The following IL1RAPL1 variants were observed in gnomAD, a reference collection of about 807,000 sequenced individuals.
IL1RAPL1 encodes the protein interleukin 1 receptor accessory protein like 1.
In IL1RAPL1, 3 loss-of-function variants were observed where a neutral mutation model predicts 48.4. The observed-to-expected ratio is 0.06, with a 90% CI of 0.03 to 0.16. The LOEUF (loss-of-function observed/expected upper bound fraction) is 0.16. Among genes scored for constraint, IL1RAPL1 ranks in the 10% least tolerant of loss-of-function variants. The pLI, the probability that IL1RAPL1 is intolerant of heterozygous loss-of-function variation, is 1.00. For synonymous variants in IL1RAPL1, 185 were observed against 187.7 expected, an observed-to-expected ratio of 0.99 and a Z score of 0.12; for missense variants, 349 against 530.6, an observed-to-expected ratio of 0.66 and a Z score of 3.36.
intron 1 of IL1RAPL1, among the ~76,000 whole-genome samples, chrX:28,730,084 T>G (rs1935735251): frequency 8.9e-6 from 1 of 112,379 alleles, no homozygotes. Flanking sequence ...AGTTTTATAA[T>G]TATTATGACA....
chrX:29,246,471 G>A (rs1480076612), intron 2 of IL1RAPL1, among the ~76,000 whole-genome samples: 1 of 110,480 alleles, frequency 9.1e-6, no homozygotes, highest in East Asian at 2.9e-4. Flanking sequence ...CTGATGAGGG[G>A]ATTTTCATAA....
chrX:29,009,879 A>G (rs753047454), intron 2 of IL1RAPL1, among the ~76,000 whole-genome samples: 7 of 112,075 alleles, frequency 6.2e-5, no homozygotes, highest in African/African-American at 9.7e-5. Context: ...GATTCTTCCA[A>G]TCCATGAGTA....
At chrX:29,654,538 C>T (rs142835499) in intron 5 of IL1RAPL1, among the ~76,000 whole-genome samples, 8 of 111,712 alleles carry the variant, frequency 7.2e-5, no homozygotes, top group Non-Finnish European at 1.1e-4. Context: ...GAGGAACTCC[C>T]ATTTATAAAA....
At chrX:29,432,609 A>G (rs1427749863) in intron 5 of IL1RAPL1, among the ~76,000 whole-genome samples, 4 of 111,760 alleles carry the variant, frequency 3.6e-5, no homozygotes, top group Non-Finnish European at 5.7e-5. Context: ...TTGCCTGTTT[A>G]ACTCTGCCTT....
intron 2 of IL1RAPL1, among the ~76,000 whole-genome samples, chrX:28,803,785 C>A (rs1242319118): frequency 1.8e-5 from 2 of 112,141 alleles, no homozygotes; most frequent in East Asian, 5.6e-4. Context: ...CCAATGTTAA[C>A]AAGCATTTAT....
chrX:29,933,108 C>A (rs777232039), intron 8 of IL1RAPL1, among the ~76,000 whole-genome samples: 16 of 111,166 alleles, frequency 1.4e-4, no homozygotes, highest in Non-Finnish European at 2.6e-4. Flanking sequence ...ACCACATGTT[C>A]TCACTCATAA....
intron 5 of IL1RAPL1, among the ~76,000 whole-genome samples, chrX:29,621,748 A>G (rs1924468580): frequency 1.8e-5 from 2 of 112,201 alleles, no homozygotes; most frequent in South Asian, 3.7e-4. Context: ...GTCACCTTAA[A>G]TATTTATATT....
At chrX:29,677,635 C>G (rs145899522) in intron 6 of IL1RAPL1, among the ~76,000 whole-genome samples, 2,427 of 111,458 alleles carry the variant, frequency 0.022, 62 homozygotes, top group African/African-American at 0.076. Flanking sequence ...CAAGTTGCAT[C>G]TCCAACTGAT....
intron 5 of IL1RAPL1, among the ~76,000 whole-genome samples, chrX:29,423,350 C>T (rs1223516719): frequency 1.8e-5 from 2 of 112,086 alleles, no homozygotes; most frequent in Admixed American, 1.9e-4. Context: ...CAAGCTGTAG[C>T]CCAACCACCT....
chrX:28,648,907 C>G (rs75988645), intron 1 of IL1RAPL1, among the ~76,000 whole-genome samples: 1 of 111,470 alleles, frequency 9.0e-6, no homozygotes, highest in African/African-American at 3.3e-5. Flanking sequence ...GGTTAGGGAG[C>G]TTTAGTCCTC....
At chrX:29,730,868 C>T (rs1422243578) in intron 6 of IL1RAPL1, among the ~76,000 whole-genome samples, 2 of 111,721 alleles carry the variant, frequency 1.8e-5, no homozygotes, top group Admixed American at 9.5e-5. Context: ...GGCTATAACC[C>T]AGCCCTCCTG....
At position 29,836,987 on chromosome X, in the gene IL1RAPL1, C is replaced by T. The variant is rs911621448; in HGVS notation, c.779-80477C>T. Among the ~76,000 whole-genome samples the T allele has an allele frequency of 1.3e-4, 14 of 109,415 alleles. No individual in the cohort carries two copies. The East Asian group carries it at 2.9e-3, about 23-fold the overall frequency. On this transcript the variant is annotated intron_variant, in intron 6 of 10. Coordinates refer to ENST00000378993, the MANE Select transcript of IL1RAPL1 (RefSeq NM_014271.4). ...AATTATAATGAAGGTGGGCCAGGTG[C>T]GGTGGCTCATGCCTGTAATCCCAGC... is the stretch of plus-strand genomic sequence containing the variant.
At chrX:29,732,567 G>A (rs750785689) in intron 6 of IL1RAPL1, among the ~76,000 whole-genome samples, 1 of 112,003 alleles carries the variant, frequency 8.9e-6, no homozygotes, top group Non-Finnish European at 1.9e-5. Flanking sequence ...CACACAGCAT[G>A]TGCTCTTTCC....
chrX:28,853,490 C>T lies in IL1RAPL1; in HGVS notation c.82+64065C>T, dbSNP rs770721479. 1.5e-4 allele frequency among the ~76,000 whole-genome samples: 16 copies of T among 104,500 alleles called. No homozygotes were observed. In the East Asian group the frequency reaches 2.1e-3, roughly 14 times the overall value. 90.7% of individuals were successfully genotyped at this position (104,500 alleles called of 115,157 possible). On this transcript the variant is annotated intron_variant, in intron 2 of 10. Transcript: ENST00000378993. ...AATCCCCTCAGTGCATGTGTGTGCG[C>T]GCGCACACACACACACACACACTCT...
chrX:29,775,981 A>AT (rs973284894), intron 6 of IL1RAPL1, among the ~76,000 whole-genome samples: 2 of 110,246 alleles, frequency 1.8e-5, no homozygotes, highest in African/African-American at 6.6e-5. Flanking sequence ...TTGCTCAATA[A>AT]TTTTTTTCTC....
intron 1 of IL1RAPL1, among the ~76,000 whole-genome samples, chrX:28,737,094 T>G (rs949847212): frequency 1.9e-5 from 2 of 104,211 alleles, no homozygotes; most frequent in Non-Finnish European, 3.9e-5. Context: ...TTTCGTTTTG[T>G]TTCTTTTCTT....
At chrX:29,642,878 A>G (rs1215071904) in intron 5 of IL1RAPL1, among the ~76,000 whole-genome samples, 1 of 112,463 alleles carries the variant, frequency 8.9e-6, no homozygotes, top group Non-Finnish European at 1.9e-5. Context: ...CTTCCTTCCA[A>G]TAAGGTAACC....
chrX:28,989,661 C>T (rs747600542), intron 2 of IL1RAPL1, among the ~76,000 whole-genome samples: 52 of 111,927 alleles, frequency 4.6e-4, no homozygotes, highest in Non-Finnish European at 8.1e-4. Flanking sequence ...TGAATGTCTA[C>T]GAAGCAAAAT....
chrX:29,482,534 CAAAG>C (rs1935051922), intron 5 of IL1RAPL1, among the ~76,000 whole-genome samples: 1 of 112,154 alleles, frequency 8.9e-6, no homozygotes, highest in African/African-American at 3.2e-5. Context: ...AAAGAAAAAT[CAAAG>C]AATAGGATAA....
Sources: gnomAD v4.1 joint callset for allele counts (sites outside exome capture counted in the v4.1 genomes callset) on GRCh38, gnomAD v4.1.1 for gene constraint, MANE v1.5 for transcripts, NCBI Gene and HGNC (gene_info 2026-07-23, HGNC 2026-07-21) for gene names.